CADM2: variants seen among roughly 807,000 people sequenced by gnomAD.
The protein encoded by CADM2 is cell adhesion molecule 2, also known as immunoglobulin superfamily member 4D.
In CADM2, 12 loss-of-function variants were observed where a neutral mutation model predicts 49.8. The observed-to-expected ratio is 0.24, with a 90% confidence interval of 0.15 to 0.39. The LOEUF is 0.39. Among genes scored for constraint, CADM2 ranks in the 10% least tolerant of loss-of-function variants. The pLI is 1.00. For synonymous variants in CADM2, 214 were observed against 175.4 expected (o/e 1.22, Z -1.74); for missense variants, 378 against 492.3 (o/e 0.77, Z 2.20).
At chr3:85,727,815 AAGGATGGAT>A (rs2067766624) in intron 2 of CADM2, among the ~76,000 whole-genome samples, 1 of 152,018 alleles carries the variant, frequency 6.6e-6, no homozygotes, top group African/African-American at 2.4e-5. Context: ...GTGGCTCTTG[AAGGATGGAT>A]AGGATGTACA....
chr3:85,261,408 A>T (rs1035441677), intron 1 of CADM2, among the ~76,000 whole-genome samples: 1 of 152,186 alleles, frequency 6.6e-6, no homozygotes, highest in African/African-American at 2.4e-5. Context: ...TGCTAGGATT[A>T]CAGGTGTGAG....
intron 1 of CADM2, among the ~76,000 whole-genome samples, chr3:85,271,859 A>C (rs1429559010): frequency 6.6e-6 from 1 of 151,290 alleles, no homozygotes; most frequent in East Asian, 1.9e-4. Flanking sequence ...ATTACTACCC[A>C]AAAAGAAAAT....
At chr3:85,288,430 GT>G (rs1576286355) in intron 1 of CADM2, among the ~76,000 whole-genome samples, 1 of 151,886 alleles carries the variant, frequency 6.6e-6, no homozygotes, top group Non-Finnish European at 1.5e-5. Flanking sequence ...GATAATTTTT[GT>G]TTTTTTAATA....
rs536185033 is a variant in CADM2, at chr3:85,909,233, T to C, written c.530-3140T>C. ...AGTGACCACGTTTTGACTATTTAAA[T>C]GTCCAGAAGGTCTACTAGAGAGAGT... On this transcript the variant is annotated intron_variant, in intron 5 of 9. Transcript: ENST00000383699. 1.2e-4 allele frequency among the ~76,000 whole-genome samples: 18 copies of C among 152,178 alleles called. No homozygotes were observed. The South Asian group carries it at 3.7e-3, about 32-fold the overall frequency.
At chr3:86,018,386 T>G (rs1341634206) in intron 8 of CADM2, among the ~76,000 whole-genome samples, 1 of 151,044 alleles carries the variant, frequency 6.6e-6, no homozygotes, top group Non-Finnish European at 1.5e-5. Flanking sequence ...CCTTTGGGTA[T>G]ATACCCAGTA....
intron 8 of CADM2, among the ~76,000 whole-genome samples, chr3:86,056,665 T>C (rs1046415455): frequency 4.0e-5 from 6 of 151,506 alleles, no homozygotes; most frequent in Non-Finnish European, 8.8e-5. Context: ...TCTGCACTCC[T>C]GATAATCACA....
intron 1 of CADM2, among the ~76,000 whole-genome samples, chr3:85,155,749 C>A (rs2040089394): frequency 6.6e-6 from 1 of 152,126 alleles, no homozygotes; most frequent in South Asian, 2.1e-4. Flanking sequence ...TCTCTCAGAC[C>A]ACAGTGCAAT....
At chr3:85,382,302 T>C (rs1424028975) in intron 1 of CADM2, among the ~76,000 whole-genome samples, 1 of 152,060 alleles carries the variant, frequency 6.6e-6, no homozygotes, top group Non-Finnish European at 1.5e-5. Context: ...AAGGCCTCTA[T>C]GAGGTGTAAA....
intron 1 of CADM2, among the ~76,000 whole-genome samples, chr3:85,302,866 G>C (rs1041397183): frequency 1.3e-5 from 2 of 152,028 alleles, no homozygotes; most frequent in African/African-American, 4.8e-5. Flanking sequence ...GGTTGGACTT[G>C]ATGAATATTT....
chr3:85,499,923 G>T (rs1225808802), intron 1 of CADM2, among the ~76,000 whole-genome samples: 3 of 152,128 alleles, frequency 2.0e-5, no homozygotes, highest in Non-Finnish European at 4.4e-5. Context: ...CAGAAAACCA[G>T]ATAGATTTCA....
At chr3:85,510,534 CTT>C (rs1417634295) in intron 1 of CADM2, among the ~76,000 whole-genome samples, 3 of 151,950 alleles carry the variant, frequency 2.0e-5, no homozygotes, top group Admixed American at 6.6e-5. Flanking sequence ...CCACAAAACA[CTT>C]TTGCTTTTTT....
intron 1 of CADM2, among the ~76,000 whole-genome samples, chr3:85,368,024 G>T (rs775029626): frequency 6.6e-6 from 1 of 151,890 alleles, no homozygotes; most frequent in Non-Finnish European, 1.5e-5. Flanking sequence ...AGAAATAACT[G>T]AAGAAAAAAC....
rs568962869 is a variant in CADM2, at chr3:85,073,406, A to G, written c.61+113738A>G. Among the ~76,000 whole-genome samples the G allele has an allele frequency of 7.3e-3, 1,110 of 152,284 alleles. 12 individuals are homozygous for G. Among genetic ancestry groups the G allele is most frequent in the African/African-American group, 0.025 (1,037 of 41,570 alleles). On this transcript the variant is annotated intron_variant, in intron 1 of 9. Coordinates refer to ENST00000383699, the MANE Select transcript of CADM2 (RefSeq NM_001167675.2). Reference sequence around the variant, plus strand: ...GCATTATTCATGCTACAATGTACATACAGTATACATCTATGTAAATATTAC... The same window carrying G: ...GCATTATTCATGCTACAATGTACATGCAGTATACATCTATGTAAATATTAC...
Position 86,025,804 on chromosome 3 carries a change from A to C in CADM2, c.971-39801A>C, listed in dbSNP as rs1733844131. 2.6e-5 allele frequency among the ~76,000 whole-genome samples: 4 copies of C among 152,130 alleles called. No individual in the cohort carries two copies. The South Asian group carries it at 8.3e-4, about 32-fold the overall frequency. ...ATTTATTTTATCTTAACTTTGTAATAATCTGGAACTAAACATCAGGAGTAC... is the reference window on the plus strand; with the variant it reads ...ATTTATTTTATCTTAACTTTGTAATCATCTGGAACTAAACATCAGGAGTAC... On this transcript the variant is annotated intron_variant, in intron 8 of 9. Transcript: ENST00000383699.
chr3:85,999,905 C>T (rs1729955557), intron 8 of CADM2, among the ~76,000 whole-genome samples: 1 of 152,074 alleles, frequency 6.6e-6, no homozygotes, highest in African/African-American at 2.4e-5. Context: ...AACGTAAATT[C>T]AGTTAACACT....
chr3:85,757,444 C>G (rs1041403041), intron 2 of CADM2, among the ~76,000 whole-genome samples: 2 of 151,882 alleles, frequency 1.3e-5, no homozygotes, highest in Non-Finnish European at 2.9e-5. Context: ...AAGCATGTAA[C>G]CTGGTCACAG....
intron 1 of CADM2, among the ~76,000 whole-genome samples, chr3:85,461,511 T>A (rs2038243878): frequency 6.6e-6 from 1 of 152,206 alleles, no homozygotes; most frequent in Non-Finnish European, 1.5e-5. Flanking sequence ...ATATGTTATG[T>A]TTCTGAATAT....
At chr3:85,524,381 T>C (rs2061108681) in intron 1 of CADM2, among the ~76,000 whole-genome samples, 1 of 152,158 alleles carries the variant, frequency 6.6e-6, no homozygotes, top group African/African-American at 2.4e-5. Context: ...ACTGGCATTT[T>C]ACCCATTGTG....
At chr3:85,719,495 A>G (rs1584416) in intron 1 of CADM2, among the ~76,000 whole-genome samples, 5,722 of 152,292 alleles carry the variant, frequency 0.038, 288 homozygotes, top group African/African-American at 0.11. Flanking sequence ...CATATTTTGT[A>G]TATGTATCAT....
Sources: allele counts gnomAD v4.1 joint callset (sites outside exome capture counted in the v4.1 genomes callset), GRCh38; gene constraint gnomAD v4.1.1; transcripts MANE v1.5; gene names NCBI Gene and HGNC (gene_info 2026-07-23, HGNC 2026-07-21).